Variants in VEZT observed in about 807,000 individuals in gnomAD.
The protein encoded by VEZT is vezatin.
VEZT carries 39 observed loss-of-function variants against 79.9 expected under a neutral mutation model. The ratio of observed to expected loss-of-function variants is 0.49; its 90% CI spans 0.38 to 0.64. The LOEUF is 0.64. Among genes scored for constraint, VEZT ranks in the 30% least tolerant of loss-of-function variants. VEZT has a pLI of 0.00. For synonymous variants in VEZT, 325 were observed against 327.6 expected, an observed-to-expected ratio of 0.99 and a Z score of 0.09; for missense variants, 837 against 893.1, an observed-to-expected ratio of 0.94 and a Z score of 0.80.
At chr12:95,257,104 G>T in intron 2 of VEZT, 46 bp from the exon 3 acceptor site, 1 of 1,459,812 alleles carries the variant, frequency 6.9e-7, no homozygotes. Context: ...TCTGCTGTTT[G>T]GGTATGCTTT....
chr12:95,270,031 T>C lies in VEZT; in HGVS notation c.711-20T>C. ...CCTGTACAGTTGTATCACATTTTAC[T>C]TTTCAAGTTTGCTTGACAGGGTCAG... On this transcript the variant is annotated intron_variant, in intron 5 of 11. Coordinates refer to ENST00000436874, the MANE Select transcript of VEZT (RefSeq NM_017599.4). 2 of 1,604,818 alleles carry C rather than the reference T, an allele frequency of 1.2e-6. No homozygotes were observed. Among genetic ancestry groups the C allele is most frequent in the East Asian group, 4.5e-5 (2 of 44,734 alleles).
At chr12:95,296,282 A>G (rs1376598948) in intron 11 of VEZT, 24 bp downstream of exon 11, 2 of 1,540,968 alleles carry the variant, frequency 1.3e-6, no homozygotes, top group Non-Finnish European at 1.8e-6. Context: ...TTAAAGTAAC[A>G]GGTTATTTCA....
At chr12:95,285,697 C>T (rs1394377547) in intron 8 of VEZT, among the ~76,000 whole-genome samples, 3 of 151,798 alleles carry the variant, frequency 2.0e-5, no homozygotes, top group African/African-American at 7.3e-5. Context: ...CAAGTTTCCC[C>T]GACTCTCTGG....
chr12:95,251,577 G>A (rs1302996574), intron 1 of VEZT, among the ~76,000 whole-genome samples: 1 of 151,964 alleles, frequency 6.6e-6, no homozygotes, highest in Non-Finnish European at 1.5e-5. Flanking sequence ...ATTGTCGTTT[G>A]AGTTATCTAT....
chr12:95,234,652 T>G (rs946521009), intron 1 of VEZT, among the ~76,000 whole-genome samples: 1 of 151,368 alleles, frequency 6.6e-6, no homozygotes, highest in African/African-American at 2.4e-5. Flanking sequence ...AGTAGTTTTG[T>G]TTTTTTTGTT....
chr12:95,270,167 C>G lies in VEZT; in HGVS notation c.827C>G (p.Ala276Gly). The change falls in exon 6 of 12, where the codon GCT becomes GGT. Residue 276 changes from alanine (A) to glycine (G), a missense_variant. Physicochemically the swap from Ala to Gly is moderately conservative, Grantham distance 60. Coordinates refer to ENST00000436874, the MANE Select transcript of VEZT (RefSeq NM_017599.4). ...GCCAACTTCCAAGCAGCAAGGCTAG[C>G]TACCCTATATATGCTGAAAAAATAT... ...LRANFQAARL[A>G]TLYMLKNYPL... is the part of the protein sequence containing the mutation. The G allele has an allele frequency of 6.2e-7, 1 of 1,609,030 alleles. No homozygotes were observed. Among genetic ancestry groups the G allele is most frequent in the Non-Finnish European group, 8.5e-7 (1 of 1,177,724 alleles).
rs375465746 is a variant in VEZT at position 95,244,541 on chromosome 12, G to A, written c.37-7399G>A. The stretch of plus-strand genomic sequence containing the variant: ...AGCAGAATCCAAAACAAGTCCCTAC[G>A]TTGCATTTGGGTGATACGTCACTTT... On this transcript the variant is annotated intron_variant, in intron 1 of 11. Transcript: ENST00000436874. 4.0e-5 allele frequency among the ~76,000 whole-genome samples: 6 copies of A among 151,154 alleles called. No individual in the cohort carries two copies. The East Asian group carries it at 5.8e-4, about 15-fold the overall frequency.
chr12:95,279,148 AT>A, intron 7 of VEZT, among the ~76,000 whole-genome samples: 1 of 152,260 alleles, frequency 6.6e-6, no homozygotes, highest in East Asian at 1.9e-4. Context: ...TGGATTTTGG[AT>A]TTTTTCAGAT....
intron 3 of VEZT, chr12:95,262,537 T>C (rs1411303943): frequency 6.3e-6 from 1 of 159,404 alleles, no homozygotes; most frequent in Non-Finnish European, 1.4e-5. Context: ...ATTGGCTATA[T>C]TGTTACAGCT....
intron 2 of VEZT, among the ~76,000 whole-genome samples, chr12:95,252,908 T>C (rs544032673): frequency 1.3e-5 from 2 of 152,228 alleles, no homozygotes; most frequent in Admixed American, 6.5e-5. Flanking sequence ...GAGGTGGCAG[T>C]GAACCAAGAT....
chr12:95,298,464 T>G (rs569418890), intron 11 of VEZT, among the ~76,000 whole-genome samples: 81 of 152,342 alleles, frequency 5.3e-4, no homozygotes, highest in African/African-American at 1.9e-3. Flanking sequence ...TTTTGTTTTG[T>G]TTTGTTTTGT....
intron 3 of VEZT, chr12:95,258,331 T>A (rs1430840061): frequency 2.2e-6 from 1 of 453,626 alleles, no homozygotes; most frequent in Non-Finnish European, 4.4e-6. Flanking sequence ...AGTCATAGTC[T>A]GCCTAGGCCT....
At chr12:95,288,377 T>C (rs1183703596) in intron 9 of VEZT, among the ~76,000 whole-genome samples, 2 of 152,192 alleles carry the variant, frequency 1.3e-5, no homozygotes, top group South Asian at 4.1e-4. Context: ...TAAAAAAATA[T>C]ATATATAGTC....
intron 11 of VEZT, among the ~76,000 whole-genome samples, chr12:95,297,661 C>G (rs2074443027): frequency 6.6e-6 from 1 of 152,122 alleles, no homozygotes; most frequent in Non-Finnish European, 1.5e-5. Flanking sequence ...GTGGTTTCTC[C>G]CTTTCTTATT....
Position 95,266,452 on chromosome 12 carries a change from T to C in VEZT, c.530T>C (p.Phe177Ser). The change falls in exon 5 of 12, where the codon TTT becomes TCT. Residue 177 changes from phenylalanine to serine, a missense_variant. By Grantham distance (155) the Phe-to-Ser change is radical (BLOSUM62 -2). Coordinates refer to ENST00000436874, the MANE Select transcript of VEZT (RefSeq NM_017599.4). ...TGGCTGGTATGGGGAGTGATTCTATTTGTGTATCTGGTCATAAGAGCTTTG... is the reference window on the plus strand; with the variant it reads ...TGGCTGGTATGGGGAGTGATTCTATCTGTGTATCTGGTCATAAGAGCTTTG... ...SSWLVWGVIL[F>S]VYLVIRALRL... 1 of 1,613,920 alleles carries C rather than the reference T, an allele frequency of 6.2e-7. No homozygotes were observed. The highest frequency in any genetic ancestry group is 1.3e-5 in the African/African-American group (1 of 75,030).
chr12:95,280,391 CTT>C (rs2068741602), intron 7 of VEZT, among the ~76,000 whole-genome samples: 1 of 151,932 alleles, frequency 6.6e-6, no homozygotes, highest in South Asian at 2.1e-4. Flanking sequence ...TCAGGTGACA[CTT>C]TTAGAGACCT....
chr12:95,233,843 G>T (rs989086961), intron 1 of VEZT, among the ~76,000 whole-genome samples: 1 of 152,106 alleles, frequency 6.6e-6, no homozygotes, highest in Admixed American at 6.5e-5. Context: ...CACAAATGGG[G>T]TTTTTAAATG....
chr12:95,262,957 C>T lies in VEZT; in HGVS notation c.310C>T (p.Leu104=). The change falls in exon 4 of 12, where the codon CTG becomes TTG. Residue 104 remains leucine (L), a synonymous_variant. Coordinates refer to ENST00000436874, the MANE Select transcript of VEZT (RefSeq NM_017599.4). ...ACATACCATCCTGCAACAGGAAGTC[C>T]TGTTACAAGAGGATGTGGAGCTGAT... is the stretch of plus-strand genomic sequence containing the variant. The part of the protein sequence containing the change: ...SLHTILQQEV[L]LQEDVELIEL... The T allele has an allele frequency of 6.2e-7, 1 of 1,612,422 alleles. No individual in the cohort carries two copies. Among genetic ancestry groups the T allele is most frequent in the South Asian group, 1.1e-5 (1 of 90,918 alleles).
chr12:95,290,281 T>C (rs1016067477), intron 9 of VEZT, among the ~76,000 whole-genome samples: 1 of 152,192 alleles, frequency 6.6e-6, no homozygotes, highest in African/African-American at 2.4e-5. Flanking sequence ...TGAATGCATA[T>C]ACCATATGAC....
Sources: gnomAD v4.1 joint callset for allele counts (sites outside exome capture counted in the v4.1 genomes callset) on GRCh38, gnomAD v4.1.1 for gene constraint, MANE v1.5 for transcripts, NCBI Gene and HGNC (gene_info 2026-07-23, HGNC 2026-07-21) for gene names.